Variants in SHANK2 observed in about 807,000 individuals in gnomAD.
SHANK2 encodes the protein SH3 and multiple ankyrin repeat domains protein 2.
SHANK2 carries 43 observed loss-of-function variants against 133.7 expected under a neutral mutation model. The observed-to-expected ratio is 0.32, with a 90% CI of 0.25 to 0.41. SHANK2 has a LOEUF of 0.41. Ranked by LOEUF, SHANK2 falls within the 10% of genes least tolerant of loss-of-function variation. The probability of loss-of-function intolerance (pLI) is 1.00; values close to 1 mark genes in which losing one functional copy is unlikely to be tolerated. For synonymous variants in SHANK2, 1,017 were observed against 952.8 expected (o/e 1.07, Z -1.24); for missense variants, 1,994 against 2,235.8 (o/e 0.89, Z 2.18).
At chr11:70,713,431 C>T (rs890271474) in intron 14 of SHANK2, among the ~76,000 whole-genome samples, 1 of 152,252 alleles carries the variant, frequency 6.6e-6, no homozygotes, top group African/African-American at 2.4e-5. Flanking sequence ...GCTGTGTCCG[C>T]TTTCACAGAA....
chr11:70,809,500 G>A (rs1948234902), intron 12 of SHANK2, among the ~76,000 whole-genome samples: 1 of 152,166 alleles, frequency 6.6e-6, no homozygotes, highest in Non-Finnish European at 1.5e-5. Flanking sequence ...TTGCCTTATA[G>A]TTTGCTCTGT....
At chr11:71,219,611 C>A (rs782088615) in intron 2 of SHANK2, among the ~76,000 whole-genome samples, 9 of 152,128 alleles carry the variant, frequency 5.9e-5, no homozygotes, top group Non-Finnish European at 1.2e-4. Flanking sequence ...AACAAACAGG[C>A]CAGGTGTGAT....
intron 10 of SHANK2, among the ~76,000 whole-genome samples, chr11:70,899,783 G>A (rs1435481894): frequency 6.6e-6 from 1 of 152,160 alleles, no homozygotes; most frequent in Non-Finnish European, 1.5e-5. Flanking sequence ...ACAGGCCCAG[G>A]CATCTCTCCT....
intron 18 of SHANK2, 29 bp downstream of exon 18, chr11:70,502,767 G>C (rs1555159101): frequency 3.0e-6 from 3 of 985,000 alleles, no homozygotes; most frequent in Non-Finnish European, 4.2e-6. Context: ...AGGGCCCCAG[G>C]CTGGAGCTGG....
At position 70,936,058 on chromosome 11, in the gene SHANK2, T is replaced by C. The variant is rs1176588787; in HGVS notation, c.1108-39491A>G. On this transcript the variant is annotated intron_variant, in intron 10 of 25. Coordinates refer to ENST00000601538, the MANE Select transcript of SHANK2 (RefSeq NM_012309.5). ...ACGGATTGAAATCAATTTGGCCACA[T>C]TAATGTCTCAGCTGACTGAGATTTC... 2.0e-5 allele frequency among the ~76,000 whole-genome samples: 3 copies of C among 152,220 alleles called. No individual in the cohort carries two copies. The East Asian group carries it at 5.8e-4, about 29-fold the overall frequency.
chr11:70,943,154 G>C, intron 10 of SHANK2: 1 of 451,392 alleles, frequency 2.2e-6, no homozygotes, highest in Admixed American at 2.4e-5. Flanking sequence ...CCTGGCTGGA[G>C]AGACATCACA....
intron 9 of SHANK2, among the ~76,000 whole-genome samples, chr11:71,074,773 A>ATTTTT (rs36140840): frequency 1.3e-4 from 12 of 92,516 alleles, no homozygotes; most frequent in Non-Finnish European, 2.4e-4. Context: ...ACCTAAGCCA[A>ATTTTT]TTTTTTTTTT....
chr11:70,713,670 C>T (rs1466046811), intron 14 of SHANK2, among the ~76,000 whole-genome samples: 8 of 152,132 alleles, frequency 5.3e-5, no homozygotes, highest in African/African-American at 9.7e-5. Context: ...GCTGTCACAG[C>T]GCCGGGTGTC....
At chr11:70,784,303 A>G (rs1257511930) in intron 14 of SHANK2, among the ~76,000 whole-genome samples, 2 of 141,570 alleles carry the variant, frequency 1.4e-5, no homozygotes, top group East Asian at 2.1e-4. Context: ...CGGCCCCCCA[A>G]GTAGCTGGGA....
At chr11:70,746,137 C>CTT (rs2134850965) in intron 14 of SHANK2, among the ~76,000 whole-genome samples, 1 of 152,348 alleles carries the variant, frequency 6.6e-6, no homozygotes, top group South Asian at 2.1e-4. Context: ...AAAGGTGACT[C>CTT]TGACACGGTC....
intron 14 of SHANK2, among the ~76,000 whole-genome samples, chr11:70,732,357 C>T (rs1046475019): frequency 6.6e-6 from 1 of 152,202 alleles, no homozygotes; most frequent in Non-Finnish European, 1.5e-5. Flanking sequence ...GAGCCACCTT[C>T]CTCTCTCTCC....
In SHANK2 at chr11:70,487,161, G is replaced by A. The variant is rs1555154221; in HGVS notation, c.3132C>T (p.Ser1044=). 2.5e-6 allele frequency: 4 copies of A among 1,612,992 alleles called. No individual in the cohort carries two copies. Among genetic ancestry groups the A allele is most frequent in the South Asian group, 2.2e-5 (2 of 91,080 alleles). The change falls in exon 25 of 26, where the codon AGC becomes AGT. Residue 1044 remains serine, a synonymous_variant. Transcript: ENST00000601538. This position sits in a 1 kb window ranked among gnomAD's most constrained non-coding sequence, Gnocchi z 5.8. The part of the protein sequence containing the change: ...IIVKEPSTSS[S]GKSSQGSSME... ...TGCTGCTGCCCTGGCTGCTCTTGCCGCTGCTGCTGGTGGACGGCTCCTTCA... is the reference window on the plus strand; with the variant it reads ...TGCTGCTGCCCTGGCTGCTCTTGCCACTGCTGCTGGTGGACGGCTCCTTCA...
intron 10 of SHANK2, among the ~76,000 whole-genome samples, chr11:70,901,606 T>C (rs1950024188): frequency 6.6e-6 from 1 of 152,202 alleles, no homozygotes; most frequent in Non-Finnish European, 1.5e-5. Flanking sequence ...TACAGACAGA[T>C]GCCTACCTGC....
At chr11:70,753,186 A>C (rs79862586) in intron 14 of SHANK2, among the ~76,000 whole-genome samples, 1 of 151,082 alleles carries the variant, frequency 6.6e-6, no homozygotes, top group African/African-American at 2.4e-5. Flanking sequence ...AAAAAAAAAA[A>C]CAAAAAACAA....
At chr11:71,147,395 C>T in intron 2 of SHANK2, 57 bp from the exon 3 acceptor site, 1 of 1,442,168 alleles carries the variant, frequency 6.9e-7, no homozygotes, top group Non-Finnish European at 9.3e-7. Flanking sequence ...GAAAGAAAAC[C>T]CAGGGGCACG....
intron 1 of SHANK2, among the ~76,000 whole-genome samples, chr11:71,250,115 C>A (rs1485836379): frequency 7.7e-6 from 1 of 129,298 alleles, no homozygotes; most frequent in Non-Finnish European, 1.6e-5. Flanking sequence ...AGACCGCCCC[C>A]CTCCCCGGGG....
intron 14 of SHANK2, among the ~76,000 whole-genome samples, chr11:70,728,024 C>T (rs1456258835): frequency 6.6e-5 from 10 of 152,170 alleles, no homozygotes; most frequent in Admixed American, 2.0e-4. Context: ...GTGTTCTATG[C>T]TATAAATGCT....
At chr11:71,206,216 C>T (rs781842494) in intron 2 of SHANK2, among the ~76,000 whole-genome samples, 4 of 152,202 alleles carry the variant, frequency 2.6e-5, no homozygotes, top group Admixed American at 6.5e-5. Context: ...CTTCCCTCTC[C>T]GGACAGGCAC....
rs187952758 is a variant in SHANK2, at chr11:71,158,120, C to T, written c.-12-10782G>A. Among the ~76,000 whole-genome samples the T allele has an allele frequency of 1.7e-4, 26 of 152,154 alleles. No individual in the cohort carries two copies. The East Asian group carries it at 2.1e-3, about 12-fold the overall frequency. On this transcript the variant is annotated intron_variant, in intron 2 of 25. Transcript: ENST00000601538. ...GTAGCAAACATCAAAAATAAGTAAGCGAACAGATAACCGAATGCATTGTTT... is the reference window on the plus strand; with the variant it reads ...GTAGCAAACATCAAAAATAAGTAAGTGAACAGATAACCGAATGCATTGTTT...
Sources: gnomAD v4.1 joint callset for allele counts (sites outside exome capture counted in the v4.1 genomes callset) on GRCh38, gnomAD v4.1.1 for gene constraint, Gnocchi (gnomAD v3.1) non-coding constraint, MANE v1.5 for transcripts, NCBI Gene and HGNC (gene_info 2026-07-23, HGNC 2026-07-21) for gene names.